ILDR2: variants seen among roughly 807,000 people sequenced by gnomAD.
ILDR2 encodes immunoglobulin like domain containing receptor 2, also known as immunoglobulin-like domain-containing receptor 2.
ILDR2 carries 25 observed loss-of-function variants against 66.8 expected under a neutral mutation model. The ratio of observed to expected loss-of-function variants is 0.37; its 90% CI spans 0.27 to 0.52. The LOEUF (loss-of-function observed/expected upper bound fraction) is 0.52. ILDR2 is among the 20% of genes least tolerant of loss of function. The pLI is 0.88. For missense variants in ILDR2, 827 were observed against 876.8 expected (o/e 0.94, Z 0.72); for synonymous variants, 367 against 357.2 (o/e 1.03, Z -0.31).
chr1:166,938,434 A>G (rs1266097634), intron 4 of ILDR2, among the ~76,000 whole-genome samples: 2 of 152,248 alleles, frequency 1.3e-5, no homozygotes, highest in African/African-American at 4.8e-5. Flanking sequence ...TGTAACATCT[A>G]GTTTCAAGCA....
rs181461822 is a variant in ILDR2 at position 166,910,911 on chromosome 1, T to C, written c.*8444A>G. 7.8e-3 allele frequency: 1,185 copies of C among 152,302 alleles called. 16 individuals are homozygous for C. The highest frequency in any genetic ancestry group is 0.019 in the South Asian group (93 of 4,828). The allele number at this position is 152,302 out of a possible 1,614,324, so 9.4% of individuals were successfully genotyped here. On this transcript the variant is annotated 3_prime_UTR_variant, in exon 10 of 10. Coordinates refer to ENST00000271417, the MANE Select transcript of ILDR2 (RefSeq NM_199351.3). ...TCTAGTCCTTCCTTGCTGCTTCTTTTTTTTCTTGTCTTTTTAAATTTTTAC... is the reference window on the plus strand; with the variant it reads ...TCTAGTCCTTCCTTGCTGCTTCTTTCTTTTCTTGTCTTTTTAAATTTTTAC...
chr1:166,902,823 G>A (rs901385382), intron 2 of ILDR2, among the ~76,000 whole-genome samples: 2 of 152,122 alleles, frequency 1.3e-5, no homozygotes, highest in Non-Finnish European at 2.9e-5. Flanking sequence ...ATCCTACCCT[G>A]CACTTCAGTT....
In ILDR2 at chr1:166,921,301, C is replaced by T; in HGVS notation, c.1290G>A (p.Leu430=). Residue 430 remains leucine, a synonymous_variant, in exon 9 of 10, where the codon CTG becomes CTA. Coordinates refer to ENST00000271417, the MANE Select transcript of ILDR2 (RefSeq NM_199351.3). The surrounding 1 kb of genome is among the most constrained non-coding windows in gnomAD (Gnocchi z 5.3). The stretch of plus-strand genomic sequence containing the variant: ...GGCCGTAGGAGTCAGCGAAGGCCGC[C>T]AGCTCGTCCATGGAAACGGCCGGCA... ...TGVPAVSMDE[L]AAFADSYGQR... is the part of the protein sequence containing the mutation. The T allele has an allele frequency of 1.9e-6, 3 of 1,596,064 alleles. No homozygotes were observed. The highest frequency in any genetic ancestry group is 1.7e-6 in the Non-Finnish European group (2 of 1,169,204).
intron 6 of ILDR2, among the ~76,000 whole-genome samples, chr1:166,933,692 G>A (rs1012068878): frequency 3.3e-5 from 5 of 152,120 alleles, no homozygotes; most frequent in African/African-American, 1.2e-4. Flanking sequence ...GATTCTGGTG[G>A]GAAGAAAGAT....
At chr1:166,943,932 A>T in intron 3 of ILDR2, 1 of 761,586 alleles carries the variant, frequency 1.3e-6, no homozygotes, top group Non-Finnish European at 1.6e-6. Flanking sequence ...AGGAAAATAC[A>T]GTTTTTATGT....
chr1:166,922,016 T>C (rs1298626540), intron 8 of ILDR2, among the ~76,000 whole-genome samples: 1 of 152,214 alleles, frequency 6.6e-6, no homozygotes, highest in Non-Finnish European at 1.5e-5. Flanking sequence ...AGTTTCCATT[T>C]TCCCAGCTTA....
rs775519532 is a variant in ILDR2 at position 166,921,094 on chromosome 1, G to C, written c.1497C>G (p.Pro499=). The change falls in exon 9 of 10, where the codon CCC becomes CCG. Residue 499 remains proline, a synonymous_variant. Coordinates refer to ENST00000271417, the MANE Select transcript of ILDR2 (RefSeq NM_199351.3). The surrounding 1 kb of genome is among the most constrained non-coding windows in gnomAD (Gnocchi z 5.3). The stretch of plus-strand genomic sequence containing the variant: ...CGTCCTCGGCGGGTCTGCGGCGCGC[G>C]GGGCTGAAGGCCCAGCCGCGGTCAG... The part of the protein sequence containing the change: ...TDADRGWAFS[P]ARRRPAEDAH... 5 of 1,494,608 alleles carry C rather than the reference G, an allele frequency of 3.3e-6. No homozygotes were observed. The South Asian group carries it at 6.4e-5, about 19-fold the overall frequency. The allele number at this position is 1,494,608 out of a possible 1,614,324, so 92.6% of individuals were successfully genotyped here. A position where few individuals can be genotyped will look rare whatever the true frequency, so the allele number is the denominator to read the frequency against.
At chr1:166,930,659 A>G (rs984688542) in intron 6 of ILDR2, among the ~76,000 whole-genome samples, 5 of 152,182 alleles carry the variant, frequency 3.3e-5, no homozygotes, top group African/African-American at 1.2e-4. Context: ...CTCCTCTCCA[A>G]GGATGAGATT....
At chr1:166,943,054 G>A (rs967286004) in intron 3 of ILDR2, among the ~76,000 whole-genome samples, 1 of 152,190 alleles carries the variant, frequency 6.6e-6, no homozygotes, top group Admixed American at 6.5e-5. Context: ...TAATGCACCT[G>A]TGTAGTGTTA....
chr1:166,966,362 T>C (rs1662946025), intron 1 of ILDR2, among the ~76,000 whole-genome samples: 1 of 152,242 alleles, frequency 6.6e-6, no homozygotes, highest in Non-Finnish European at 1.5e-5. Flanking sequence ...TAACCAGATG[T>C]ACCATCTTGA....
In ILDR2 at chr1:166,936,504, A is replaced by T; in HGVS notation, c.703+87T>A. 1 of 1,580,390 alleles carries T rather than the reference A, an allele frequency of 6.3e-7. No homozygotes were observed. The highest frequency in any genetic ancestry group is 8.6e-7 in the Non-Finnish European group (1 of 1,160,166). ...TTGGGGGTGGCAGGACAGGAGGTGGAGGAGGAACCCAGCGCACACAGCTGT... is the reference window on the plus strand; with the variant it reads ...TTGGGGGTGGCAGGACAGGAGGTGGTGGAGGAACCCAGCGCACACAGCTGT... On this transcript the variant is annotated intron_variant, in intron 5 of 9. Coordinates refer to ENST00000271417, the MANE Select transcript of ILDR2 (RefSeq NM_199351.3). This position sits in a 1 kb window ranked among gnomAD's most constrained non-coding sequence, Gnocchi z 5.0.
At position 166,921,318 on chromosome 1, in the gene ILDR2, C is replaced by A; in HGVS notation, c.1273G>T (p.Val425Phe). 6.3e-7 allele frequency: 1 copy of A among 1,589,742 alleles called. No homozygotes were observed. Among genetic ancestry groups the A allele is most frequent in the Non-Finnish European group, 8.6e-7 (1 of 1,165,392 alleles). ...AAGGCCGCCAGCTCGTCCATGGAAA[C>A]GGCCGGCACCCCCGTGGCGAAGTTC... ...RKNFATGVPA[V>F]SMDELAAFAD... The change falls in exon 9 of 10, where the codon GTT (valine) becomes TTT (phenylalanine). Residue 425 changes from valine to phenylalanine, a missense_variant. Physicochemically the swap from Val to Phe is conservative, Grantham distance 50 (BLOSUM62 -1). Around this residue, in one of 2 missense-constraint regions of ILDR2, gnomAD observed 390 missense variants for 353.6 expected, o/e 1.10. Coordinates refer to ENST00000271417, the MANE Select transcript of ILDR2 (RefSeq NM_199351.3). This position sits in a 1 kb window ranked among gnomAD's most constrained non-coding sequence, Gnocchi z 5.3.
intron 3 of ILDR2, 82 bp downstream of exon 3, chr1:166,956,649 CAG>C: frequency 2.0e-6 from 3 of 1,489,684 alleles, no homozygotes; most frequent in Non-Finnish European, 2.7e-6. Context: ...CTAATGCACA[CAG>C]GGGAGAAGTG....
rs1227076975 is a variant in ILDR2, at chr1:166,936,786, G to T, written c.557-49C>A. The stretch of plus-strand genomic sequence containing the variant: ...CACACTCGAGGCAGCCCACCTCCAG[G>T]GCAGGGTGCACTTTGATTGGCATCT... On this transcript the variant is annotated intron_variant, in intron 4 of 9. Coordinates refer to ENST00000271417, the MANE Select transcript of ILDR2 (RefSeq NM_199351.3). This position sits in a 1 kb window ranked among gnomAD's most constrained non-coding sequence, Gnocchi z 5.0. 2 of 1,594,510 alleles carry T rather than the reference G, an allele frequency of 1.3e-6. No individual in the cohort carries two copies. The highest frequency in any genetic ancestry group is 1.7e-5 in the Admixed American group (1 of 59,072).
In ILDR2 at chr1:166,914,394, C is replaced by T. The variant is rs2101832195; in HGVS notation, c.*4961G>A. ...GAATTGGAAAGGACACCAGACAAGA[C>T]AGTCAGAAGGCCTGGCTTTATAATT... On this transcript the variant is annotated 3_prime_UTR_variant, in exon 10 of 10. Transcript: ENST00000271417. 6.6e-6 allele frequency: 1 copy of T among 152,298 alleles called. No homozygotes were observed. Among genetic ancestry groups the T allele is most frequent in the South Asian group, 2.1e-4 (1 of 4,826 alleles). The allele number at this position is 152,298 out of a possible 1,614,324, so 9.4% of individuals were successfully genotyped here. A position where few individuals can be genotyped will look rare whatever the true frequency, so the allele number is the denominator to read the frequency against.
chr1:166,968,733 T>TG, intron 1 of ILDR2, among the ~76,000 whole-genome samples: 1 of 152,202 alleles, frequency 6.6e-6, no homozygotes, highest in East Asian at 1.9e-4. Context: ...GGTTTGGCTC[T>TG]GCCCTTGCCC....
chr1:166,955,051 G>C (rs188194029), intron 3 of ILDR2, among the ~76,000 whole-genome samples: 134 of 152,290 alleles, frequency 8.8e-4, no homozygotes, highest in Non-Finnish European at 1.4e-3. Flanking sequence ...TTGGCTATTA[G>C]GGTTGTGATT....
chr1:166,941,709 A>G (rs1661321156), intron 3 of ILDR2, among the ~76,000 whole-genome samples: 1 of 152,312 alleles, frequency 6.6e-6, no homozygotes, highest in South Asian at 2.1e-4. Context: ...GTAAATATAT[A>G]TCTTGGTGTA....
intron 3 of ILDR2, among the ~76,000 whole-genome samples, chr1:166,954,637 G>C (rs537348095): frequency 1.3e-5 from 2 of 152,148 alleles, no homozygotes; most frequent in Admixed American, 6.5e-5. Flanking sequence ...TGCAGCCTTG[G>C]TAAGTTTTCC....
Sources: allele counts gnomAD v4.1 joint callset (sites outside exome capture counted in the v4.1 genomes callset), GRCh38; gene constraint gnomAD v4.1.1; regional missense constraint gnomAD v4.1.1; non-coding constraint Gnocchi (gnomAD v3.1); transcripts MANE v1.5; gene names NCBI Gene and HGNC (gene_info 2026-07-23, HGNC 2026-07-21).